The following ZNF205 variants were observed in gnomAD, a reference collection of about 807,000 sequenced individuals.
ZNF205 encodes the protein transcriptional repressor RHIT.
A neutral mutation model predicts 53.6 loss-of-function variants in ZNF205; 32 were observed. The observed-to-expected ratio is 0.60, with a 90% CI of 0.45 to 0.80. ZNF205 has a LOEUF of 0.80. Ranked by LOEUF, ZNF205 falls within the 30% of genes least tolerant of loss-of-function variation. The pLI is 0.00. For synonymous variants in ZNF205, 382 were observed against 334.3 expected (o/e 1.14, Z -1.56); for missense variants, 836 against 782.4 (o/e 1.07, Z -0.82).
chr16:3,116,687 TAATGATGGA>T (rs1957350568), intron 5 of ZNF205, 140 bp downstream of exon 5: 2 of 1,288,634 alleles, frequency 1.6e-6, no homozygotes, highest in Non-Finnish European at 1.0e-6. Flanking sequence ...GAAACTTCTG[TAATGATGGA>T]AATGTTCTGT....
At chr16:3,115,967 C>T (rs755416786) in intron 4 of ZNF205, 47 bp downstream of exon 4, 1 of 1,573,156 alleles carries the variant, frequency 6.4e-7, no homozygotes, top group Non-Finnish European at 8.7e-7. Flanking sequence ...GCCCTTCCTG[C>T]ATCTGCTGGT....
chr16:3,118,128 C>G (rs1437385636), intron 5 of ZNF205, among the ~76,000 whole-genome samples: 2 of 149,436 alleles, frequency 1.3e-5, no homozygotes, highest in Admixed American at 1.4e-4. Context: ...TCCCAAAGTG[C>G]TGGAGGCATG....
chr16:3,116,334 G>T (rs1957345016), intron 4 of ZNF205, 93 bp from the exon 5 acceptor site: 1 of 1,557,836 alleles, frequency 6.4e-7, no homozygotes, highest in Non-Finnish European at 8.7e-7. Context: ...AGTGGGTTGG[G>T]AGTCCGGGGT....
chr16:3,120,082 G>A lies in ZNF205; in HGVS notation c.1422G>A (p.Lys474=). 6.2e-7 allele frequency: 1 copy of A among 1,613,878 alleles called. No individual in the cohort carries two copies. The highest frequency in any genetic ancestry group is 1.3e-5 in the African/African-American group (1 of 75,024). The part of the protein sequence containing the change: ...IAHNRTHTGE[K]PYHCLDCGKS... Reference sequence around the variant, plus strand: ...ACAACCGCACACACACAGGCGAGAAGCCCTACCACTGCCTCGACTGCGGCA... The same window carrying A: ...ACAACCGCACACACACAGGCGAGAAACCCTACCACTGCCTCGACTGCGGCA... Residue 474 remains lysine, a synonymous_variant, in exon 7 of 7, where the codon AAG becomes AAA. Coordinates refer to ENST00000219091, the MANE Select transcript of ZNF205 (RefSeq NM_001042428.2).
At chr16:3,118,147 C>T (rs1055913574) in intron 5 of ZNF205, among the ~76,000 whole-genome samples, 7 of 151,654 alleles carry the variant, frequency 4.6e-5, no homozygotes, top group Non-Finnish European at 7.4e-5. Context: ...TGAGCCACTG[C>T]GCCTGGCCAA....
Position 3,120,116 on chromosome 16 carries a change from A to C in ZNF205, c.1456A>C (p.Ser486Arg), listed in dbSNP as rs1957405679. Residue 486 changes from serine to arginine, a missense_variant, in exon 7 of 7, where the codon AGC becomes CGC. Physicochemically the swap from Ser to Arg is moderately radical, Grantham distance 110. Transcript: ENST00000219091. ...YHCLDCGKSF[S>R]HSSHLTAHQR... ...CTGCCTCGACTGCGGCAAGAGCTTC[A>C]GCCACAGCTCGCACCTCACCGCGCA... 6.2e-7 allele frequency: 1 copy of C among 1,613,430 alleles called. No homozygotes were observed. The highest frequency in any genetic ancestry group is 1.7e-5 in the Admixed American group (1 of 59,994).
intron 5 of ZNF205, among the ~76,000 whole-genome samples, chr16:3,118,148 G>A (rs915722168): frequency 1.1e-4 from 16 of 151,152 alleles, no homozygotes; most frequent in Admixed American, 2.6e-4. Context: ...GAGCCACTGC[G>A]CCTGGCCAAC....
At chr16:3,115,710 CG>C in intron 3 of ZNF205, 118 bp from the exon 4 acceptor site, 1 of 1,381,036 alleles carries the variant, frequency 7.2e-7, no homozygotes, top group Non-Finnish European at 9.8e-7. Flanking sequence ...CCCCTGGCAG[CG>C]TCAGAGCCAT....
At chr16:3,117,442 CTTTTTTTTTT>C (rs139893783) in intron 5 of ZNF205, among the ~76,000 whole-genome samples, 16 of 73,178 alleles carry the variant, frequency 2.2e-4, no homozygotes, top group African/African-American at 8.4e-4. Flanking sequence ...AGTCCCAGAG[CTTTTTTTTTT>C]TTTTTTTTTT....
chr16:3,119,937 C>G lies in ZNF205; in HGVS notation c.1277C>G (p.Ala426Gly), dbSNP rs1273499771. The G allele has an allele frequency of 1.9e-6, 3 of 1,613,458 alleles. No homozygotes were observed. The highest frequency in any genetic ancestry group is 2.5e-6 in the Non-Finnish European group (3 of 1,179,916). The change falls in exon 7 of 7, where the codon GCC becomes GGC. Residue 426 changes from alanine (A) to glycine (G), a missense_variant. By Grantham distance (60) the Ala-to-Gly change is moderately conservative (BLOSUM62 0). Transcript: ENST00000219091. Reference protein sequence around the residue: ...GAKPHKCPICAKCFTQSSALV... With the variant: ...GAKPHKCPICGKCFTQSSALV... The stretch of plus-strand genomic sequence containing the variant: ...AAGCCGCACAAGTGCCCCATCTGCG[C>G]CAAGTGCTTCACGCAGAGCTCGGCG...
intron 6 of ZNF205, 65 bp from the exon 7 acceptor site, chr16:3,119,191 T>G: frequency 6.6e-7 from 1 of 1,523,840 alleles, no homozygotes; most frequent in Non-Finnish European, 8.8e-7. Flanking sequence ...TAGCTCTGCC[T>G]TCTCCACCCT....
chr16:3,113,571 TG>T, intron 2 of ZNF205, 84 bp downstream of exon 2: 1 of 1,493,158 alleles, frequency 6.7e-7, no homozygotes, highest in Non-Finnish European at 9.2e-7. Context: ...TCTGGACCCC[TG>T]GAAGAGTTAG....
chr16:3,116,148 G>A (rs530816174), intron 4 of ZNF205: 69 of 655,728 alleles, frequency 1.1e-4, no homozygotes, highest in South Asian at 1.0e-3. Context: ...GCTGGTAGCC[G>A]TTGGGAACCG....
In ZNF205 at chr16:3,119,589, G is replaced by T; in HGVS notation, c.929G>T (p.Cys310Phe). The part of the protein sequence containing the change: ...DSEVGRKSYR[C>F]EQCGKGFSWH... ...GAGGTGGGCAGGAAGAGCTACCGGT[G>T]CGAGCAGTGCGGCAAGGGCTTCAGC... The change falls in exon 7 of 7, where the codon TGC (cysteine) becomes TTC (phenylalanine). Residue 310 changes from cysteine (C) to phenylalanine (F), a missense_variant. Physicochemically the swap from Cys to Phe is radical, Grantham distance 205. Transcript: ENST00000219091. The T allele has an allele frequency of 6.2e-7, 1 of 1,609,028 alleles. No individual in the cohort carries two copies. Among genetic ancestry groups the T allele is most frequent in the South Asian group, 1.1e-5 (1 of 90,598 alleles).
At chr16:3,113,206 C>T (rs757551570) in intron 1 of ZNF205, 9 of 511,732 alleles carry the variant, frequency 1.8e-5, no homozygotes, top group Non-Finnish European at 3.1e-5. Context: ...ACCCAGAAAA[C>T]ATCACAGAGA....
chr16:3,119,125 T>C (rs1466741499), intron 6 of ZNF205, 110 bp downstream of exon 6: 1 of 1,503,288 alleles, frequency 6.7e-7, no homozygotes, highest in Non-Finnish European at 9.0e-7. Flanking sequence ...CCTGGGCGGT[T>C]TGCGCCCAGG....
chr16:3,118,087 C>A (rs1164211268), intron 5 of ZNF205, among the ~76,000 whole-genome samples: 3 of 135,792 alleles, frequency 2.2e-5, no homozygotes. Flanking sequence ...TGGTCTCGAT[C>A]TCCTGACCTC....
At position 3,113,406 on chromosome 16, in the gene ZNF205, GTTCT is replaced by G. The variant is rs775739083; in HGVS notation, c.-14-6_-14-3del. The G allele has an allele frequency of 6.2e-7, 1 of 1,612,422 alleles. No homozygotes were observed. ...AAAAAGAGGGAGAAACAACTCAGCT[GTTCT>G]TTCTAGCTCTGAAATAGAAAATGTC... On this transcript the variant is annotated splice_region_variant and splice_polypyrimidine_tract_variant and intron_variant, in intron 1 of 6. Coordinates refer to ENST00000219091, the MANE Select transcript of ZNF205 (RefSeq NM_001042428.2).
chr16:3,118,854 G>A (rs777649343), intron 5 of ZNF205, 51 bp from the exon 6 acceptor site: 11 of 1,581,542 alleles, frequency 7.0e-6, no homozygotes, highest in African/African-American at 1.4e-5. Flanking sequence ...GCTGTCTGCA[G>A]CTGGGCAGCG....
Sources: allele counts gnomAD v4.1 joint callset (sites outside exome capture counted in the v4.1 genomes callset), GRCh38; gene constraint gnomAD v4.1.1; transcripts MANE v1.5; gene names NCBI Gene and HGNC (gene_info 2026-07-23, HGNC 2026-07-21).